ACVR1: variants seen among roughly 807,000 people sequenced by gnomAD.
The protein encoded by ACVR1 is activin receptor type-1.
In ACVR1, 38 loss-of-function variants were observed where a neutral mutation model predicts 57.1. The observed-to-expected ratio is 0.67, with a 90% confidence interval of 0.51 to 0.87. The LOEUF (loss-of-function observed/expected upper bound fraction) is 0.87, where lower values mean the gene tolerates loss of function less well. ACVR1 is among the 40% of genes least tolerant of loss of function. The probability of loss-of-function intolerance (pLI) is 0.00; values close to 1 mark genes in which losing one functional copy is unlikely to be tolerated. For missense variants in ACVR1, 463 were observed against 638.2 expected, an observed-to-expected ratio of 0.73 and a Z score of 2.96; for synonymous variants, 212 against 228.1, an observed-to-expected ratio of 0.93 and a Z score of 0.63.
intron 9 of ACVR1, among the ~76,000 whole-genome samples, chr2:157,746,250 C>A (rs994786498): frequency 1.3e-5 from 2 of 152,216 alleles, no homozygotes; most frequent in African/African-American, 4.8e-5. Context: ...AAAGCACTTT[C>A]TATATGCCAG....
At chr2:157,747,495 A>G (rs977654641) in intron 9 of ACVR1, among the ~76,000 whole-genome samples, 5 of 152,238 alleles carry the variant, frequency 3.3e-5, no homozygotes, top group Non-Finnish European at 5.9e-5. Flanking sequence ...AAAACAGCCT[A>G]TTAAGCAAGA....
At chr2:157,776,346 T>C (rs1686287353) in intron 5 of ACVR1, among the ~76,000 whole-genome samples, 1 of 152,232 alleles carries the variant, frequency 6.6e-6, no homozygotes, top group African/African-American at 2.4e-5. Context: ...AACTAACCTA[T>C]TTTAGAATCT....
At chr2:157,822,327 CT>C (rs1158733411) in intron 1 of ACVR1, among the ~76,000 whole-genome samples, 2 of 152,164 alleles carry the variant, frequency 1.3e-5, no homozygotes, top group Non-Finnish European at 2.9e-5. Flanking sequence ...CATCTAGTTA[CT>C]AATTATAGCA....
At chr2:157,842,425 A>G (rs974853725) in intron 1 of ACVR1, among the ~76,000 whole-genome samples, 1 of 152,220 alleles carries the variant, frequency 6.6e-6, no homozygotes, top group East Asian at 1.9e-4. Flanking sequence ...AGCACCTACA[A>G]TGAGCCAGGC....
chr2:157,799,935 C>T (rs940610080), intron 2 of ACVR1, among the ~76,000 whole-genome samples: 11 of 152,132 alleles, frequency 7.2e-5, no homozygotes, highest in Admixed American at 2.6e-4. Flanking sequence ...ATAATTCAAG[C>T]CAAATTACTA....
intron 4 of ACVR1, among the ~76,000 whole-genome samples, chr2:157,778,820 AC>A (rs1459924032): frequency 6.6e-6 from 1 of 151,920 alleles, no homozygotes; most frequent in East Asian, 1.9e-4. Flanking sequence ...CTGCCTAGGA[AC>A]CCATTCATTC....
At chr2:157,800,370 G>A (rs914035303) in intron 2 of ACVR1, among the ~76,000 whole-genome samples, 2 of 152,142 alleles carry the variant, frequency 1.3e-5, no homozygotes, top group Non-Finnish European at 2.9e-5. Flanking sequence ...GCTCACAGCT[G>A]TAATCCCAGT....
intron 2 of ACVR1, among the ~76,000 whole-genome samples, chr2:157,813,845 C>A (rs148932557): frequency 4.6e-5 from 7 of 152,260 alleles, no homozygotes; most frequent in African/African-American, 1.7e-4. Flanking sequence ...GAGAAAAATT[C>A]ATTTGAATTC....
At chr2:157,808,316 T>C (rs1169021363) in intron 2 of ACVR1, among the ~76,000 whole-genome samples, 1 of 152,240 alleles carries the variant, frequency 6.6e-6, no homozygotes, top group African/African-American at 2.4e-5. Context: ...ATATTCATTT[T>C]AACATCTTAG....
rs373855918 is a variant in ACVR1, at chr2:157,738,440, C to A, written c.1395G>T (p.Pro465=). Reference sequence around the variant, plus strand: ...AAAACTGAGAAACTGGCATTCTTACCGGGTCTGAGAACCATCTGTTGGGTA... The same window carrying A: ...AAAACTGAGAAACTGGCATTCTTACAGGGTCTGAGAACCATCTGTTGGGTA... ...PNIPNRWFSD[P]TLTSLAKLMK... The change falls in exon 10 of 11, where the codon CCG becomes CCT. Residue 465 remains proline, a splice_region_variant and synonymous_variant. Transcript: ENST00000434821. The A allele has an allele frequency of 1.9e-6, 3 of 1,614,028 alleles. No individual in the cohort carries two copies. Among genetic ancestry groups the A allele is most frequent in the South Asian group, 1.1e-5 (1 of 91,070 alleles).
chr2:157,753,028 T>C (rs1685268200), intron 9 of ACVR1, among the ~76,000 whole-genome samples: 1 of 152,156 alleles, frequency 6.6e-6, no homozygotes, highest in Non-Finnish European at 1.5e-5. Flanking sequence ...GCAAAATAGA[T>C]AAGAATTCAC....
chr2:157,804,931 T>C (rs1339477848), intron 2 of ACVR1, among the ~76,000 whole-genome samples: 2 of 152,254 alleles, frequency 1.3e-5, no homozygotes, highest in Non-Finnish European at 2.9e-5. Flanking sequence ...GTATGTGGGC[T>C]TGAAACCAAG....
At position 157,760,894 on chromosome 2, in the gene ACVR1, C is replaced by T. The variant is rs1366850999; in HGVS notation, c.1250G>A (p.Arg417Gln). Residue 417 changes from arginine (R) to glutamine (Q), a missense_variant, in exon 9 of 11, where the codon CGG becomes CAG. Transcript: ENST00000434821. ...TAGATACCTACCATTGCTCACCATC[C>T]GCCTGGCCACTTCCCACAAAACAAG... ...FGLVLWEVAR[R>Q]MVSNGIVEDY... 11 of 1,613,944 alleles carry T rather than the reference C, an allele frequency of 6.8e-6. No homozygotes were observed. Among genetic ancestry groups the T allele is most frequent in the East Asian group, 2.2e-5 (1 of 44,876 alleles).
At chr2:157,833,253 G>T (rs1395839535) in intron 1 of ACVR1, among the ~76,000 whole-genome samples, 1 of 152,174 alleles carries the variant, frequency 6.6e-6, no homozygotes, top group African/African-American at 2.4e-5. Context: ...TTGGCTTCCT[G>T]TATCTTTGTA....
At chr2:157,874,357 C>T (rs1191429494) in intron 1 of ACVR1, among the ~76,000 whole-genome samples, 1 of 152,168 alleles carries the variant, frequency 6.6e-6, no homozygotes, top group East Asian at 1.9e-4. Context: ...ACCTCCTGAC[C>T]CCTATGTCCC....
At chr2:157,840,215 A>T (rs1222033602) in intron 1 of ACVR1, among the ~76,000 whole-genome samples, 1 of 152,232 alleles carries the variant, frequency 6.6e-6, no homozygotes, top group Non-Finnish European at 1.5e-5. Context: ...CTCTAGGGAC[A>T]CTGCTTGAGC....
intron 9 of ACVR1, among the ~76,000 whole-genome samples, chr2:157,744,132 A>G (rs1440731012): frequency 6.6e-6 from 1 of 152,196 alleles, no homozygotes; most frequent in Non-Finnish European, 1.5e-5. Flanking sequence ...CCTACTTCTC[A>G]TTACAAACTC....
intron 1 of ACVR1, among the ~76,000 whole-genome samples, chr2:157,822,604 T>C (rs1452356461): frequency 6.6e-6 from 1 of 152,228 alleles, no homozygotes; most frequent in Non-Finnish European, 1.5e-5. Context: ...TTACAAAGAA[T>C]TGTAGCATAG....
At chr2:157,792,379 G>T (rs1686950273) in intron 3 of ACVR1, among the ~76,000 whole-genome samples, 1 of 152,192 alleles carries the variant, frequency 6.6e-6, no homozygotes, top group African/African-American at 2.4e-5. Flanking sequence ...AGCTGCTCCA[G>T]TGTTATGACC....
Sources: gnomAD v4.1 joint callset for allele counts (sites outside exome capture counted in the v4.1 genomes callset) on GRCh38, gnomAD v4.1.1 for gene constraint, MANE v1.5 for transcripts, NCBI Gene and HGNC (gene_info 2026-07-23, HGNC 2026-07-21) for gene names.